Variants in TPRA1 observed in about 807,000 individuals in gnomAD.
TPRA1 encodes transmembrane protein adipocyte-associated 1.
A neutral mutation model predicts 40.1 loss-of-function variants in TPRA1; 28 were observed. The observed-to-expected ratio is 0.70, with a 90% confidence interval of 0.52 to 0.96. TPRA1 has a LOEUF of 0.96. TPRA1 is among the 40% of genes least tolerant of loss of function. TPRA1 has a pLI of 0.00. For synonymous variants in TPRA1, 219 were observed against 209.7 expected, an observed-to-expected ratio of 1.04 and a Z score of -0.38; for missense variants, 441 against 482.6, an observed-to-expected ratio of 0.91 and a Z score of 0.81.
chr3:127,575,487 A>C lies in TPRA1; in HGVS notation c.689T>G (p.Val230Gly). 1 of 1,589,916 alleles carries C rather than the reference A, an allele frequency of 6.3e-7. No individual in the cohort carries two copies. The highest frequency in any genetic ancestry group is 8.6e-7 in the Non-Finnish European group (1 of 1,169,072). The change falls in exon 9 of 11, where the codon GTG (valine) becomes GGG (glycine). Residue 230 changes from valine (V) to glycine (G), a missense_variant. Val to Gly is a moderately radical substitution (Grantham distance 109). Coordinates refer to ENST00000355552, the MANE Select transcript of TPRA1 (RefSeq NM_001136053.4). ...ISLPSRRSFY[V>G]YAGILALLNL... ...GAGCAGTGCCAGGATGCCCGCATAC[A>C]CGTAGAAGCTCCTCCGAGCTGGGGG...
chr3:127,576,498 G>C lies in TPRA1; in HGVS notation c.498+119C>G, dbSNP rs1348415991. 1.0e-6 allele frequency: 1 copy of C among 988,596 alleles called. No homozygotes were observed. Among genetic ancestry groups the C allele is most frequent in the Non-Finnish European group, 1.5e-6 (1 of 685,494 alleles). 61.2% of individuals were successfully genotyped at this position (988,596 alleles called of 1,614,324 possible). ...AACAAGCACCCCATGTGATTTCTCA[G>C]GTGCAAAGTTTTGAGAACTCTGAAG... is the stretch of plus-strand genomic sequence containing the variant. On this transcript the variant is annotated intron_variant, in intron 6 of 10. Transcript: ENST00000355552. This position sits in a 1 kb window ranked among gnomAD's most constrained non-coding sequence, Gnocchi z 4.6.
At chr3:127,595,295 A>T (rs2074230406), upstream of TPRA1, among the ~76,000 whole-genome samples, 1 of 152,160 alleles carries the variant, frequency 6.6e-6, no homozygotes, top group African/African-American at 2.4e-5. Flanking sequence ...CTCATCTGAG[A>T]AAAAGCCATA....
chr3:127,580,908 T>C (rs1576379190), intron 1 of TPRA1, among the ~76,000 whole-genome samples: 1 of 152,194 alleles, frequency 6.6e-6, no homozygotes, highest in Non-Finnish European at 1.5e-5. Context: ...GTGTCTGCAA[T>C]GGCCACGCTG....
chr3:127,573,229 G>T lies in TPRA1; in HGVS notation c.*292C>A. On this transcript the variant is annotated 3_prime_UTR_variant, in exon 11 of 11. Coordinates refer to ENST00000355552, the MANE Select transcript of TPRA1 (RefSeq NM_001136053.4). ...CCCTCGTGCCAAGGGTGCAGAGAAGGAGGGTGCCCTCAGCCAACCTTGCCA... is the reference window on the plus strand; with the variant it reads ...CCCTCGTGCCAAGGGTGCAGAGAAGTAGGGTGCCCTCAGCCAACCTTGCCA... The T allele has an allele frequency of 5.6e-6, 2 of 357,814 alleles. No homozygotes were observed. Among genetic ancestry groups the T allele is most frequent in the Non-Finnish European group, 1.0e-5 (2 of 194,738 alleles). The allele number at this position is 357,814 out of a possible 1,614,324, so 22.2% of individuals were successfully genotyped here. A position where few individuals can be genotyped will look rare whatever the true frequency, so the allele number is the denominator to read the frequency against.
At chr3:127,591,259 G>A (rs995691766), upstream of TPRA1, among the ~76,000 whole-genome samples, 1 of 152,262 alleles carries the variant, frequency 6.6e-6, no homozygotes, top group Non-Finnish European at 1.5e-5. Context: ...GCCTCCCAGC[G>A]CCCTGCTCCA....
chr3:127,583,253 C>A (rs1489591638), intron 1 of TPRA1, among the ~76,000 whole-genome samples: 1 of 151,528 alleles, frequency 6.6e-6, no homozygotes. Flanking sequence ...GCAGAGGTTG[C>A]GGTGAGCTGA....
At chr3:127,593,814 G>A (rs751528478), upstream of TPRA1, among the ~76,000 whole-genome samples, 3 of 152,116 alleles carry the variant, frequency 2.0e-5, no homozygotes, top group Admixed American at 1.3e-4. Context: ...AGATCAGCAC[G>A]GCCCCCGCTT....
rs1395752148 is a variant in TPRA1 at position 127,576,957 on chromosome 3, C to G, written c.345+33G>C. 2 of 1,612,918 alleles carry G rather than the reference C, an allele frequency of 1.2e-6. No individual in the cohort carries two copies. The highest frequency in any genetic ancestry group is 1.1e-5 in the South Asian group (1 of 91,084). ...ATCCCCAGCCCACCCCAGGCCAGGC[C>G]TCCCTGGCCTCCCTCAGAGGGCCCA... On this transcript the variant is annotated intron_variant, in intron 4 of 10. Transcript: ENST00000355552. The surrounding 1 kb of genome is among the most constrained non-coding windows in gnomAD (Gnocchi z 4.6).
chr3:127,595,180 G>A (rs1438463924), upstream of TPRA1, among the ~76,000 whole-genome samples: 1 of 152,240 alleles, frequency 6.6e-6, no homozygotes, highest in African/African-American at 2.4e-5. Flanking sequence ...AATACCAGAA[G>A]GCAAGGGCCA....
intron 1 of TPRA1, among the ~76,000 whole-genome samples, chr3:127,595,956 A>G (rs2074236507): frequency 1.3e-5 from 2 of 152,170 alleles, no homozygotes; most frequent in African/African-American, 4.8e-5. Flanking sequence ...AGCCCTGGCC[A>G]ATACCTTGCC....
rs1307630048 is a variant in TPRA1, at chr3:127,576,496, C to T, written c.498+121G>A. On this transcript the variant is annotated intron_variant, in intron 6 of 10. Coordinates refer to ENST00000355552, the MANE Select transcript of TPRA1 (RefSeq NM_001136053.4). The surrounding 1 kb of genome is among the most constrained non-coding windows in gnomAD (Gnocchi z 4.6). ...GTAACAAGCACCCCATGTGATTTCTCAGGTGCAAAGTTTTGAGAACTCTGA... is the reference window on the plus strand; with the variant it reads ...GTAACAAGCACCCCATGTGATTTCTTAGGTGCAAAGTTTTGAGAACTCTGA... 5.1e-6 allele frequency: 5 copies of T among 980,038 alleles called. No individual in the cohort carries two copies. The Admixed American group carries it at 1.4e-4, about 27-fold the overall frequency. 60.7% of individuals were successfully genotyped at this position (980,038 alleles called of 1,614,324 possible). A position where few individuals can be genotyped will look rare whatever the true frequency, so the allele number is the denominator to read the frequency against.
At position 127,576,814 on chromosome 3, in the gene TPRA1, C is replaced by T; in HGVS notation, c.418+7G>A. On this transcript the variant is annotated splice_region_variant and intron_variant, in intron 5 of 10. Coordinates refer to ENST00000355552, the MANE Select transcript of TPRA1 (RefSeq NM_001136053.4). This position sits in a 1 kb window ranked among gnomAD's most constrained non-coding sequence, Gnocchi z 4.6. Reference sequence around the variant, plus strand: ...GCCAGGGCCCAAGAGCCCAGCGGTACACACACCAAAGGCCAGGCCCAGGAT... The same window carrying T: ...GCCAGGGCCCAAGAGCCCAGCGGTATACACACCAAAGGCCAGGCCCAGGAT... 2 of 1,613,954 alleles carry T rather than the reference C, an allele frequency of 1.2e-6. No homozygotes were observed. Among genetic ancestry groups the T allele is most frequent in the Non-Finnish European group, 1.7e-6 (2 of 1,180,018 alleles).
At chr3:127,578,971 GGAAGCCTACACCTGGAGAGCCCACACCC>G (rs1345219313) in intron 3 of TPRA1, among the ~76,000 whole-genome samples, 2 of 151,752 alleles carry the variant, frequency 1.3e-5, no homozygotes, top group East Asian at 1.9e-4. Context: ...AGCCCGCACC[GGAAGCCTACACCTGGAGAGCCCACACCC>G]GAAGCCCACA....
In TPRA1 at chr3:127,576,174, C is replaced by A; in HGVS notation, c.499-124G>T. On this transcript the variant is annotated intron_variant, in intron 6 of 10. Transcript: ENST00000355552. This position sits in a 1 kb window ranked among gnomAD's most constrained non-coding sequence, Gnocchi z 4.6. ...ACCAAGTTCAGCCTCTTGGCCTGAC[C>A]CTCAACTCACCTGCCCCAGTCTGCT... 1 of 726,848 alleles carries A rather than the reference C, an allele frequency of 1.4e-6. No individual in the cohort carries two copies. Among genetic ancestry groups the A allele is most frequent in the Non-Finnish European group, 2.4e-6 (1 of 423,338 alleles). 45.0% of individuals were successfully genotyped at this position (726,848 alleles called of 1,614,324 possible).
intron 10 of TPRA1, among the ~76,000 whole-genome samples, chr3:127,574,347 C>A (rs1336335224): frequency 6.6e-6 from 1 of 152,236 alleles, no homozygotes; most frequent in East Asian, 1.9e-4. Flanking sequence ...GGCTGATCCC[C>A]TCCCCACAAG....
chr3:127,576,073 AG>A lies in TPRA1; in HGVS notation c.499-24del. ...CCCCTGCAGGGGCAAGCAGGAAGGG[AG>A]GAAGGGAGAGGATCTCAAGGCTTCT... On this transcript the variant is annotated intron_variant, in intron 6 of 10. Transcript: ENST00000355552. The surrounding 1 kb of genome is among the most constrained non-coding windows in gnomAD (Gnocchi z 4.6). 2 of 1,569,666 alleles carry A rather than the reference AG, an allele frequency of 1.3e-6. No homozygotes were observed. Among genetic ancestry groups the A allele is most frequent in the Non-Finnish European group, 1.8e-6 (2 of 1,140,916 alleles).
chr3:127,590,628 G>C lies in TPRA1; in HGVS notation c.-236C>G, dbSNP rs1310598886. On this transcript the variant is annotated 5_prime_UTR_variant, in exon 1 of 11. Transcript: ENST00000355552. ...AAGGCGAGGCGGGGTCAGCTCGCCG[G>C]GCCGCGGGTCTCGCGGACACCCTGC... 1 of 152,222 alleles carries C rather than the reference G, an allele frequency of 6.6e-6. No homozygotes were observed. The highest frequency in any genetic ancestry group is 1.5e-5 in the Non-Finnish European group (1 of 68,040). The allele number at this position is 152,222 out of a possible 1,614,324, so 9.4% of individuals were successfully genotyped here.
chr3:127,577,395 A>C (rs2073679158), intron 3 of TPRA1, among the ~76,000 whole-genome samples: 1 of 152,168 alleles, frequency 6.6e-6, no homozygotes, highest in Non-Finnish European at 1.5e-5. Context: ...TTCACATCAC[A>C]AGCAGCACGC....
intron 9 of TPRA1, 51 bp from the exon 10 acceptor site, chr3:127,575,316 A>G: frequency 1.3e-6 from 2 of 1,595,202 alleles, no homozygotes; most frequent in Non-Finnish European, 8.5e-7. Context: ...TGCTGACTCC[A>G]CACCTCCCCA....
Sources: gnomAD v4.1 joint callset for allele counts (sites outside exome capture counted in the v4.1 genomes callset) on GRCh38, gnomAD v4.1.1 for gene constraint, Gnocchi (gnomAD v3.1) non-coding constraint, MANE v1.5 for transcripts, NCBI Gene and HGNC (gene_info 2026-07-23, HGNC 2026-07-21) for gene names.